Variants in KCNH1 observed in about 807,000 individuals in gnomAD.
KCNH1 encodes voltage-gated delayed rectifier potassium channel KCNH1.
In KCNH1, 27 loss-of-function variants were observed where a neutral mutation model predicts 69.2. That is an observed-to-expected ratio of 0.39 (90% CI 0.29 to 0.54). The LOEUF is 0.54. Among genes scored for constraint, KCNH1 ranks in the 20% least tolerant of loss-of-function variants. The pLI, the probability that KCNH1 is intolerant of heterozygous loss-of-function variation, is 0.68. For missense variants in KCNH1, 798 were observed against 1,261.6 expected, an observed-to-expected ratio of 0.63 and a Z score of 5.57; for synonymous variants, 456 against 487.7, an observed-to-expected ratio of 0.93 and a Z score of 0.86.
intron 9 of KCNH1, among the ~76,000 whole-genome samples, chr1:210,796,882 C>T (rs1274845241): frequency 6.6e-6 from 1 of 152,162 alleles, no homozygotes; most frequent in Non-Finnish European, 1.5e-5. Context: ...CAAATCTCAT[C>T]ATGCCTCTCC....
intron 6 of KCNH1, among the ~76,000 whole-genome samples, chr1:210,980,236 T>A (rs1321729433): frequency 6.6e-6 from 1 of 152,180 alleles, no homozygotes; most frequent in East Asian, 1.9e-4. Context: ...ACTACAAACC[T>A]GATCCCCAGA....
At chr1:210,725,014 TGGACA>T (rs1282051178) in intron 10 of KCNH1, among the ~76,000 whole-genome samples, 1 of 152,196 alleles carries the variant, frequency 6.6e-6, no homozygotes, top group Non-Finnish European at 1.5e-5. Context: ...GGAGCCACCA[TGGACA>T]CTTTAGCTGA....
chr1:211,017,066 G>A, intron 6 of KCNH1, among the ~76,000 whole-genome samples: 1 of 151,866 alleles, frequency 6.6e-6, no homozygotes, highest in South Asian at 2.1e-4. Flanking sequence ...TAGTCTTTGG[G>A]ATTTTAAAGT....
intron 6 of KCNH1, among the ~76,000 whole-genome samples, chr1:210,989,498 C>G (rs544630752): frequency 6.6e-6 from 1 of 152,190 alleles, no homozygotes; most frequent in Non-Finnish European, 1.5e-5. Flanking sequence ...ACAGTGCTGT[C>G]TTCAAGGGCA....
intron 5 of KCNH1, among the ~76,000 whole-genome samples, chr1:211,032,401 G>GA (rs1416963569): frequency 6.6e-6 from 1 of 152,052 alleles, no homozygotes; most frequent in Non-Finnish European, 1.5e-5. Context: ...CACAGAATTG[G>GA]AAAAAACTAC....
chr1:210,707,679 C>T (rs1681947414), intron 10 of KCNH1, among the ~76,000 whole-genome samples: 1 of 152,186 alleles, frequency 6.6e-6, no homozygotes, highest in African/African-American at 2.4e-5. Flanking sequence ...AGGCTGTGGG[C>T]TCCAGATGTG....
intron 10 of KCNH1, among the ~76,000 whole-genome samples, chr1:210,768,163 T>A (rs1339587970): frequency 6.6e-6 from 1 of 152,250 alleles, no homozygotes; most frequent in Non-Finnish European, 1.5e-5. Context: ...CCAGAAAAGC[T>A]AACTAATACA....
At chr1:210,838,397 C>T (rs1247854686) in intron 7 of KCNH1, among the ~76,000 whole-genome samples, 16 of 152,114 alleles carry the variant, frequency 1.1e-4, no homozygotes, top group South Asian at 6.2e-4. Flanking sequence ...CCCTTCCTTA[C>T]GCCTTATATA....
chr1:211,072,167 T>C (rs1690656788), intron 5 of KCNH1, among the ~76,000 whole-genome samples: 1 of 152,090 alleles, frequency 6.6e-6, no homozygotes, highest in Non-Finnish European at 1.5e-5. Flanking sequence ...TCCCAGCTAC[T>C]CAGGAGGCCA....
chr1:211,023,999 C>T (rs1027974867), intron 5 of KCNH1, among the ~76,000 whole-genome samples: 3 of 152,120 alleles, frequency 2.0e-5, no homozygotes, highest in Admixed American at 1.3e-4. Context: ...ACCTCAATTA[C>T]CCCAATTTCA....
Position 210,981,656 on chromosome 1 carries a change from G to T in KCNH1, c.1032+37127C>A, listed in dbSNP as rs555153220. On this transcript the variant is annotated intron_variant, in intron 6 of 10. Coordinates refer to ENST00000271751, the MANE Select transcript of KCNH1 (RefSeq NM_172362.3). ...CCTTCTCTATAATTATATTCAAATTGCCCAAAGTCCATCTGTACTGTCAAA... is the reference window on the plus strand; with the variant it reads ...CCTTCTCTATAATTATATTCAAATTTCCCAAAGTCCATCTGTACTGTCAAA... 7.2e-5 allele frequency among the ~76,000 whole-genome samples: 11 copies of T among 152,106 alleles called. No homozygotes were observed. In the East Asian group the frequency reaches 2.1e-3, roughly 29 times the overall value.
chr1:210,999,220 C>T (rs539488147), intron 6 of KCNH1, among the ~76,000 whole-genome samples: 37 of 152,164 alleles, frequency 2.4e-4, no homozygotes, highest in African/African-American at 8.9e-4. Flanking sequence ...TCAATGAATC[C>T]AGGGGCTGGT....
chr1:211,050,772 G>C (rs1213841077), intron 5 of KCNH1, among the ~76,000 whole-genome samples: 2 of 152,106 alleles, frequency 1.3e-5, no homozygotes, highest in Non-Finnish European at 2.9e-5. Context: ...CATTATCCAT[G>C]ATCAAGGTAG....
chr1:210,811,886 C>T (rs943932213), intron 7 of KCNH1, among the ~76,000 whole-genome samples: 2 of 152,150 alleles, frequency 1.3e-5, no homozygotes, highest in African/African-American at 4.8e-5. Flanking sequence ...TCCAGCCACA[C>T]ACTGTATCCA....
At chr1:210,719,324 T>C (rs1308306792) in intron 10 of KCNH1, among the ~76,000 whole-genome samples, 1 of 152,110 alleles carries the variant, frequency 6.6e-6, no homozygotes, top group Non-Finnish European at 1.5e-5. Flanking sequence ...ATTCTGCTAT[T>C]TGTAGGCATG....
Position 210,919,459 on chromosome 1 carries a change from A to C in KCNH1, c.1462+181T>G. On this transcript the variant is annotated intron_variant, in intron 7 of 10. Transcript: ENST00000271751. This position sits in a 1 kb window ranked among gnomAD's most constrained non-coding sequence, Gnocchi z 4.2. ...TACTTTGCACTCTTTTGTATTTTCT[A>C]AATTTTTTTGCAGTAAGCATATACT... The C allele has an allele frequency of 1.6e-6, 1 of 635,118 alleles. No individual in the cohort carries two copies. Among genetic ancestry groups the C allele is most frequent in the Non-Finnish European group, 2.7e-6 (1 of 365,708 alleles). The allele number at this position is 635,118 out of a possible 1,614,324, so 39.3% of individuals were successfully genotyped here. A position where few individuals can be genotyped will look rare whatever the true frequency, so the allele number is the denominator to read the frequency against.
chr1:210,998,627 T>A (rs1408696034), intron 6 of KCNH1, among the ~76,000 whole-genome samples: 1 of 152,084 alleles, frequency 6.6e-6, no homozygotes, highest in Non-Finnish European at 1.5e-5. Context: ...AACAAGGATA[T>A]CCAGGAATTG....
intron 7 of KCNH1, among the ~76,000 whole-genome samples, chr1:210,805,640 A>ATGG (rs1438061492): frequency 6.6e-6 from 1 of 152,214 alleles, no homozygotes; most frequent in East Asian, 1.9e-4. Context: ...TAAAGTACAA[A>ATGG]ATTCAATGGT....
chr1:211,049,394 T>C (rs1401443984), intron 5 of KCNH1, among the ~76,000 whole-genome samples: 3 of 152,280 alleles, frequency 2.0e-5, no homozygotes, highest in Non-Finnish European at 4.4e-5. Flanking sequence ...AAACCAACTG[T>C]GTGTGCAAAA....
Sources: allele counts gnomAD v4.1 joint callset (sites outside exome capture counted in the v4.1 genomes callset), GRCh38; gene constraint gnomAD v4.1.1; non-coding constraint Gnocchi (gnomAD v3.1); transcripts MANE v1.5; gene names NCBI Gene and HGNC (gene_info 2026-07-23, HGNC 2026-07-21).